SLC66A2: variants seen among roughly 807,000 people sequenced by gnomAD.
SLC66A2 encodes PQ loop repeat containing 1.
A neutral mutation model predicts 25.5 loss-of-function variants in SLC66A2; 23 were observed. That is an observed-to-expected ratio of 0.90 (90% confidence interval 0.65 to 1.28). The LOEUF (loss-of-function observed/expected upper bound fraction) is 1.28. Among genes scored for constraint, SLC66A2 ranks in the 50% most tolerant of loss-of-function variants. The pLI is 0.00. For synonymous variants in SLC66A2, 193 were observed against 166.5 expected (o/e 1.16, Z -1.23); for missense variants, 396 against 373.1 (o/e 1.06, Z -0.51).
intron 4 of SLC66A2, among the ~76,000 whole-genome samples, chr18:79,925,380 C>T (rs571882156): frequency 3.9e-5 from 6 of 152,346 alleles, no homozygotes; most frequent in African/African-American, 1.2e-4. Flanking sequence ...AGCTGACAGC[C>T]GGCAGTGCAG....
chr18:79,914,472 A>G (rs1442881264), intron 5 of SLC66A2, among the ~76,000 whole-genome samples: 1 of 152,144 alleles, frequency 6.6e-6, no homozygotes, highest in Non-Finnish European at 1.5e-5. Flanking sequence ...GACAGCAGGA[A>G]GTGGGGGGTC....
At chr18:79,915,155 G>A (rs914363537) in intron 5 of SLC66A2, among the ~76,000 whole-genome samples, 26 of 152,324 alleles carry the variant, frequency 1.7e-4, no homozygotes, top group Middle Eastern at 3.4e-3. Flanking sequence ...CAGGCTGGCT[G>A]TGCGTTCTAG....
Position 79,917,155 on chromosome 18 carries a change from A to G in SLC66A2, c.608+2029T>C, listed in dbSNP as rs4799110. 0.16 allele frequency among the ~76,000 whole-genome samples: 25,083 copies of G among 152,290 alleles called. 2,446 individuals carry two copies. Among genetic ancestry groups the G allele is most frequent in the South Asian group, 0.24 (1,176 of 4,828 alleles). Reference sequence around the variant, plus strand: ...CCCGTGTGTGAGAAGAGCAGACCTCAGGGCCTAAGACAGGCCTGCCTGCAG... The same window carrying G: ...CCCGTGTGTGAGAAGAGCAGACCTCGGGGCCTAAGACAGGCCTGCCTGCAG... On this transcript the variant is annotated intron_variant, in intron 5 of 5. Transcript: ENST00000397778. The surrounding 1 kb of genome is among the most constrained non-coding windows in gnomAD (Gnocchi z 6.0).
rs888840002 is a variant in SLC66A2 at position 79,919,317 on chromosome 18, A to G, written c.475T>C (p.Tyr159His). ...CVLAFTGVAG[Y>H]ITYLSIDSAL... is the part of the protein sequence containing the mutation. ...GAGTCAATGGACAGGTAGGTGATGT[A>G]GCCCGCCACGCCCGTGAAGGCCAGG... The change falls in exon 5 of 6, where the codon TAC (tyrosine) becomes CAC (histidine). Residue 159 changes from tyrosine to histidine, a missense_variant. By Grantham distance (83) the Tyr-to-His change is moderately conservative. Coordinates refer to ENST00000397778, the MANE Select transcript of SLC66A2 (RefSeq NM_025078.5). 1.4e-5 allele frequency: 22 copies of G among 1,613,144 alleles called. No individual in the cohort carries two copies. Among genetic ancestry groups the G allele is most frequent in the Non-Finnish European group, 1.9e-5 (22 of 1,180,038 alleles).
At chr18:79,906,789 G>A (rs1301452916) in intron 5 of SLC66A2, among the ~76,000 whole-genome samples, 3 of 152,196 alleles carry the variant, frequency 2.0e-5, no homozygotes, top group Non-Finnish European at 2.9e-5. Flanking sequence ...TGCAACTGGG[G>A]ATTTGTCTTT....
chr18:79,950,703 GA>G lies in SLC66A2; in HGVS notation c.203+20del. ...ACCCTCTTCTCCGGGTGCAGCCCAG[GA>G]AAGCAAGCCCCCAACTTACCAGAAG... On this transcript the variant is annotated intron_variant, in intron 2 of 5. Coordinates refer to ENST00000397778, the MANE Select transcript of SLC66A2 (RefSeq NM_025078.5). 6.2e-7 allele frequency: 1 copy of G among 1,611,980 alleles called. No homozygotes were observed. The highest frequency in any genetic ancestry group is 8.5e-7 in the Non-Finnish European group (1 of 1,179,126).
intron 4 of SLC66A2, among the ~76,000 whole-genome samples, chr18:79,922,431 T>A (rs1985359683): frequency 6.6e-6 from 1 of 152,078 alleles, no homozygotes; most frequent in Non-Finnish European, 1.5e-5. Flanking sequence ...GTTCCTCAGA[T>A]GTTACCAGGA....
At chr18:79,933,792 T>G (rs1401002118) in intron 4 of SLC66A2, among the ~76,000 whole-genome samples, 177 bp downstream of exon 4, 5 of 151,036 alleles carry the variant, frequency 3.3e-5, no homozygotes, top group Non-Finnish European at 5.9e-5. Context: ...TTCTAGTAAC[T>G]ACTTCATGCT....
intron 5 of SLC66A2, among the ~76,000 whole-genome samples, chr18:79,905,590 G>A (rs903531298): frequency 6.6e-6 from 1 of 152,390 alleles, no homozygotes. Context: ...GCAGGCGCCC[G>A]AGCATTGCGC....
chr18:79,908,074 T>G (rs756037282), intron 5 of SLC66A2, among the ~76,000 whole-genome samples: 1 of 152,028 alleles, frequency 6.6e-6, no homozygotes, highest in Non-Finnish European at 1.5e-5. Context: ...CACCAGACAA[T>G]GTTATATTTT....
rs1189573620 is a variant in SLC66A2, at chr18:79,950,930, A to C, written c.-4T>G. Reference sequence around the variant, plus strand: ...AGTCCAGGCCCTCGGCCTCCATCGCAGCGCCCGCCTGGCCGAGGCTGTCAC... The same window carrying C: ...AGTCCAGGCCCTCGGCCTCCATCGCCGCGCCCGCCTGGCCGAGGCTGTCAC... On this transcript the variant is annotated 5_prime_UTR_variant, in exon 2 of 6. Transcript: ENST00000397778. The C allele has an allele frequency of 6.5e-6, 10 of 1,544,492 alleles. No homozygotes were observed. The highest frequency in any genetic ancestry group is 1.4e-5 in the African/African-American group (1 of 72,424).
chr18:79,939,249 G>A (rs1412159321), intron 3 of SLC66A2, among the ~76,000 whole-genome samples: 5 of 152,118 alleles, frequency 3.3e-5, no homozygotes, highest in African/African-American at 4.8e-5. Flanking sequence ...CTATTCAAAC[G>A]TTTCCTCATA....
chr18:79,934,127 TTAA>T, intron 3 of SLC66A2, 105 bp from the exon 4 acceptor site: 2 of 796,416 alleles, frequency 2.5e-6, no homozygotes, highest in Admixed American at 4.2e-5. Flanking sequence ...TTGCATTTCT[TTAA>T]AAAAAAAAAA....
In SLC66A2 at chr18:79,908,314, AG is replaced by A. The variant is rs994645287; in HGVS notation, c.609-4132del. 5.7e-5 allele frequency among the ~76,000 whole-genome samples: 8 copies of A among 141,524 alleles called. No homozygotes were observed. In the East Asian group the frequency reaches 1.6e-3, roughly 28 times the overall value. The allele number at this position is 141,524 out of a possible 152,430, so 92.8% of individuals were successfully genotyped here. A position where few individuals can be genotyped will look rare whatever the true frequency, so the allele number is the denominator to read the frequency against. ...GTCTTTATTTTGCCTTGATTCCTAA[AG>A]GAATTTTTTTTTTTTTCCTGAATAT... On this transcript the variant is annotated intron_variant, in intron 5 of 5. Coordinates refer to ENST00000397778, the MANE Select transcript of SLC66A2 (RefSeq NM_025078.5).
chr18:79,922,862 G>A (rs4798928), intron 4 of SLC66A2, among the ~76,000 whole-genome samples: 11,397 of 136,062 alleles, frequency 0.084, 1,044 homozygotes, highest in South Asian at 0.28. Flanking sequence ...AGGTTAGGGG[G>A]GCTTGGGGGC....
intron 4 of SLC66A2, among the ~76,000 whole-genome samples, chr18:79,925,637 C>T (rs958204913): frequency 2.0e-5 from 3 of 152,232 alleles, no homozygotes; most frequent in African/African-American, 4.8e-5. Flanking sequence ...TGGGAACAGA[C>T]CAGCTCCAGT....
rs538122137 is a variant in SLC66A2, at chr18:79,927,987, C to G, written c.391+5982G>C. Among the ~76,000 whole-genome samples the G allele has an allele frequency of 5.3e-5, 8 of 152,338 alleles. No homozygotes were observed. The East Asian group carries it at 1.4e-3, about 26-fold the overall frequency. ...CTCATCTTCAGGAGCCTTTTCCCCC[C>G]TTTACCCTAACTGACATCTCCGGGC... On this transcript the variant is annotated intron_variant, in intron 4 of 5. Transcript: ENST00000397778. This position sits in a 1 kb window ranked among gnomAD's most constrained non-coding sequence, Gnocchi z 6.2.
chr18:79,926,526 T>C (rs1985970849), intron 4 of SLC66A2, among the ~76,000 whole-genome samples: 1 of 152,066 alleles, frequency 6.6e-6, no homozygotes, highest in African/African-American at 2.4e-5. Flanking sequence ...GCACACTCGA[T>C]GGGCGCTCGC....
rs1365855367 is a variant in SLC66A2, at chr18:79,940,993, G to A, written c.337+2336C>T. ...CCAGGAGCCCGGCCCCCTACCCCTC[G>A]TGGCGGCCCTGGACTGCTTCCCAAA... On this transcript the variant is annotated intron_variant, in intron 3 of 5. Coordinates refer to ENST00000397778, the MANE Select transcript of SLC66A2 (RefSeq NM_025078.5). The surrounding 1 kb of genome is among the most constrained non-coding windows in gnomAD (Gnocchi z 4.1). Among the ~76,000 whole-genome samples, 7 of 152,178 alleles carry A rather than the reference G, an allele frequency of 4.6e-5. No individual in the cohort carries two copies. The highest frequency in any genetic ancestry group is 2.1e-4 in the South Asian group (1 of 4,820).
Sources: gnomAD v4.1 joint callset for allele counts (sites outside exome capture counted in the v4.1 genomes callset) on GRCh38, gnomAD v4.1.1 for gene constraint, Gnocchi (gnomAD v3.1) non-coding constraint, MANE v1.5 for transcripts, NCBI Gene and HGNC (gene_info 2026-07-23, HGNC 2026-07-21) for gene names.